SGCZ: variants seen among roughly 807,000 people sequenced by gnomAD.
SGCZ encodes the protein zeta-sarcoglycan.
A neutral mutation model predicts 41.3 loss-of-function variants in SGCZ; 40 were observed. The observed-to-expected ratio is 0.97, with a 90% CI of 0.75 to 1.26. The LOEUF is 1.26. Ranked by LOEUF, SGCZ falls within the 50% of genes most tolerant of loss-of-function variation. The probability of loss-of-function intolerance (pLI) is 0.00; values close to 1 mark genes in which losing one functional copy is unlikely to be tolerated. For missense variants in SGCZ, 552 were observed against 369.8 expected, an observed-to-expected ratio of 1.49 and a Z score of -4.04; for synonymous variants, 206 against 137.5, an observed-to-expected ratio of 1.50 and a Z score of -3.49.
At chr8:15,061,999 T>C (rs770855214) in intron 1 of SGCZ, among the ~76,000 whole-genome samples, 1 of 152,180 alleles carries the variant, frequency 6.6e-6, no homozygotes, top group Non-Finnish European at 1.5e-5. Flanking sequence ...AAGTTTATTA[T>C]CTATGAAAGA....
intron 2 of SGCZ, among the ~76,000 whole-genome samples, chr8:14,481,719 G>A (rs1801539679): frequency 6.6e-6 from 1 of 152,004 alleles, no homozygotes; most frequent in Non-Finnish European, 1.5e-5. Context: ...TTATTATCCT[G>A]TAATTAAATT....
chr8:14,382,500 T>C (rs61631957), intron 2 of SGCZ, among the ~76,000 whole-genome samples: 6,814 of 152,010 alleles, frequency 0.045, 494 homozygotes, highest in African/African-American at 0.15. Context: ...GGGATGATTA[T>C]ATATGAGTCA....
chr8:14,689,453 C>T (rs571206195), intron 1 of SGCZ, among the ~76,000 whole-genome samples: 1 of 152,198 alleles, frequency 6.6e-6, no homozygotes, highest in South Asian at 2.1e-4. Context: ...TACATACTTG[C>T]TCCATAAGGA....
At chr8:15,207,157 G>A (rs1176551688) in intron 1 of SGCZ, among the ~76,000 whole-genome samples, 14 of 152,128 alleles carry the variant, frequency 9.2e-5, no homozygotes, top group African/African-American at 2.4e-4. Context: ...CAGAGTAAGC[G>A]AGATTTAAGA....
At chr8:14,540,833 T>A (rs1803443098) in intron 2 of SGCZ, among the ~76,000 whole-genome samples, 1 of 151,868 alleles carries the variant, frequency 6.6e-6, no homozygotes, top group Non-Finnish European at 1.5e-5. Context: ...ACTTTTTACT[T>A]GTCACATGTT....
chr8:14,206,258 T>C (rs536206815), intron 4 of SGCZ, among the ~76,000 whole-genome samples: 10 of 152,144 alleles, frequency 6.6e-5, no homozygotes, highest in Non-Finnish European at 8.8e-5. Context: ...TAAATTATAG[T>C]GTAAGAAAAC....
intron 5 of SGCZ, among the ~76,000 whole-genome samples, chr8:14,130,188 C>T (rs1732636123): frequency 6.6e-6 from 1 of 151,820 alleles, no homozygotes; most frequent in African/African-American, 2.4e-5. Flanking sequence ...ATATGGCCAA[C>T]TGATTTTTAA....
intron 2 of SGCZ, among the ~76,000 whole-genome samples, chr8:14,324,487 C>A (rs1394392995): frequency 6.6e-6 from 1 of 152,124 alleles, no homozygotes; most frequent in African/African-American, 2.4e-5. Context: ...TTTCTTCATG[C>A]ATCAGTCAGT....
intron 1 of SGCZ, among the ~76,000 whole-genome samples, chr8:14,775,118 T>G (rs568656188): frequency 2.7e-4 from 41 of 152,332 alleles, no homozygotes; most frequent in African/African-American, 9.6e-4. Flanking sequence ...TGATGGATCT[T>G]GGCTAGTTAC....
chr8:14,704,619 G>T (rs118099505), intron 1 of SGCZ, among the ~76,000 whole-genome samples: 2,642 of 152,006 alleles, frequency 0.017, 25 homozygotes, highest in Non-Finnish European at 0.025. Flanking sequence ...TCTCTCAAAG[G>T]CTCACTTTCT....
chr8:14,649,712 A>T (rs79796923), intron 1 of SGCZ, among the ~76,000 whole-genome samples: 1,935 of 152,160 alleles, frequency 0.013, 28 homozygotes, highest in Non-Finnish European at 0.02. Flanking sequence ...TTTTAATGAC[A>T]ATCAGTAACC....
chr8:14,361,650 G>C lies in SGCZ; in HGVS notation c.235-37446C>G, dbSNP rs538695108. On this transcript the variant is annotated intron_variant, in intron 2 of 7. Coordinates refer to ENST00000382080, the MANE Select transcript of SGCZ (RefSeq NM_139167.4). ...ATGCTCCGTTAGCTCAGAGAAGTTT[G>C]TTATTACCGACCTTCGGAAGCCTAC... Among the ~76,000 whole-genome samples, 79 of 152,278 alleles carry C rather than the reference G, an allele frequency of 5.2e-4. 2 individuals are homozygous for C. The South Asian group carries it at 0.016, about 31-fold the overall frequency.
chr8:14,852,435 C>T (rs1469521686), intron 1 of SGCZ, among the ~76,000 whole-genome samples: 3 of 152,080 alleles, frequency 2.0e-5, no homozygotes, highest in African/African-American at 7.2e-5. Context: ...TAAACTGTAA[C>T]TCAAGAAAGG....
chr8:14,090,298 G>T lies in SGCZ; in HGVS notation c.*145C>A. 1.4e-6 allele frequency: 1 copy of T among 714,884 alleles called. No homozygotes were observed. Among genetic ancestry groups the T allele is most frequent in the Non-Finnish European group, 2.2e-6 (1 of 449,214 alleles). The allele number at this position is 714,884 out of a possible 1,614,324, so 44.3% of individuals were successfully genotyped here. On this transcript the variant is annotated 3_prime_UTR_variant, in exon 8 of 8. Transcript: ENST00000382080. ...AGTACAGTAAATCACAAGAGAAGGT[G>T]GTGGCGAATCCCTGCTCACACTGGA...
chr8:14,117,518 A>G (rs1310671173), intron 5 of SGCZ, among the ~76,000 whole-genome samples: 2 of 151,692 alleles, frequency 1.3e-5, no homozygotes, highest in Non-Finnish European at 2.9e-5. Context: ...ACACATTTAC[A>G]AAATAAAATT....
At chr8:15,098,180 T>A (rs1806458959) in intron 1 of SGCZ, among the ~76,000 whole-genome samples, 2 of 148,732 alleles carry the variant, frequency 1.3e-5, no homozygotes, top group African/African-American at 5.0e-5. Flanking sequence ...AAAAGGAAAT[T>A]AAAGGAAAAA....
chr8:14,821,773 TG>T (rs1802096791), intron 1 of SGCZ, among the ~76,000 whole-genome samples: 1 of 151,814 alleles, frequency 6.6e-6, no homozygotes, highest in South Asian at 2.1e-4. Flanking sequence ...CATCCCTTCA[TG>T]AAAAAAAATT....
At chr8:15,146,338 T>G (rs1044314000) in intron 1 of SGCZ, among the ~76,000 whole-genome samples, 1 of 152,204 alleles carries the variant, frequency 6.6e-6, no homozygotes, top group African/African-American at 2.4e-5. Flanking sequence ...AGCTAAATTC[T>G]AATCAATTAT....
intron 1 of SGCZ, among the ~76,000 whole-genome samples, chr8:15,236,751 C>T (rs1474146023): frequency 6.6e-6 from 1 of 152,176 alleles, no homozygotes; most frequent in Non-Finnish European, 1.5e-5. Flanking sequence ...CCGGATGCTC[C>T]CTCCGGGCAG....
Sources: gnomAD v4.1 joint callset for allele counts (sites outside exome capture counted in the v4.1 genomes callset) on GRCh38, gnomAD v4.1.1 for gene constraint, MANE v1.5 for transcripts, NCBI Gene and HGNC (gene_info 2026-07-23, HGNC 2026-07-21) for gene names.